The following LIN28B variants were observed in gnomAD, a reference collection of about 807,000 sequenced individuals.
LIN28B encodes lin-28 RNA binding posttranscriptional regulator B.
Under a neutral mutation model 21.9 loss-of-function variants are expected in LIN28B, and 5 were observed. The ratio of observed to expected loss-of-function variants is 0.23; its 90% CI spans 0.12 to 0.48. The LOEUF (loss-of-function observed/expected upper bound fraction) is 0.48. LIN28B is among the 20% of genes least tolerant of loss of function. The probability of loss-of-function intolerance (pLI) is 0.98; values close to 1 mark genes in which losing one functional copy is unlikely to be tolerated. For missense variants in LIN28B, 245 were observed against 310.5 expected, an observed-to-expected ratio of 0.79 and a Z score of 1.58; for synonymous variants, 109 against 111.3, an observed-to-expected ratio of 0.98 and a Z score of 0.13.
intron 2 of LIN28B, among the ~76,000 whole-genome samples, chr6:104,977,160 A>T (rs973709458): frequency 3.3e-5 from 5 of 151,996 alleles, no homozygotes; most frequent in Non-Finnish European, 5.9e-5. Context: ...TCCTGAGTGA[A>T]TCCACTTTTA....
chr6:105,021,117 A>C (rs1159032543), intron 2 of LIN28B, among the ~76,000 whole-genome samples: 1 of 151,934 alleles, frequency 6.6e-6, no homozygotes, highest in East Asian at 1.9e-4. Context: ...TAGTGAGAAC[A>C]TGTGATATTT....
chr6:104,941,614 C>T (rs921327230), intron 2 of LIN28B, among the ~76,000 whole-genome samples: 2 of 151,834 alleles, frequency 1.3e-5, no homozygotes, highest in African/African-American at 2.4e-5. Context: ...TCGCGCTCCG[C>T]AAGCCGAACT....
At chr6:105,022,528 A>G (rs893123754) in intron 2 of LIN28B, among the ~76,000 whole-genome samples, 6 of 152,162 alleles carry the variant, frequency 3.9e-5, no homozygotes, top group Middle Eastern at 3.2e-3. Context: ...CTGTCTGTCT[A>G]GATTTTTCTT....
intron 3 of LIN28B, among the ~76,000 whole-genome samples, chr6:105,030,292 G>A (rs1582906300): frequency 6.6e-6 from 1 of 152,274 alleles, no homozygotes; most frequent in African/African-American, 2.4e-5. Context: ...ATCTTTGTCA[G>A]CTGATGGCTG....
At chr6:105,022,734 T>C (rs1771164974) in intron 2 of LIN28B, among the ~76,000 whole-genome samples, 1 of 152,142 alleles carries the variant, frequency 6.6e-6, no homozygotes, top group South Asian at 2.1e-4. Context: ...GTAACCTACC[T>C]TGGAGAAGAG....
chr6:105,073,842 T>C (rs1279853916), intron 3 of LIN28B, among the ~76,000 whole-genome samples: 1 of 152,224 alleles, frequency 6.6e-6, no homozygotes, highest in Non-Finnish European at 1.5e-5. Context: ...TTAATGTCTA[T>C]ATTTTAACCT....
intron 2 of LIN28B, among the ~76,000 whole-genome samples, chr6:104,996,609 A>G (rs1045528426): frequency 1.3e-5 from 2 of 152,228 alleles, no homozygotes; most frequent in East Asian, 3.8e-4. Context: ...CACTAAGGAC[A>G]GTAATTAAGG....
rs1772571701 is a variant in LIN28B at position 105,083,258 on chromosome 6, T to C, written c.*4475T>C. On this transcript the variant is annotated 3_prime_UTR_variant, in exon 4 of 4. Transcript: ENST00000345080. ...TTCTCATTTCATGCCTAATGTCTTA[T>C]TCTGTCAATTATGGATATGTTGAGG... is the stretch of plus-strand genomic sequence containing the variant. 1 of 152,434 alleles carries C rather than the reference T, an allele frequency of 6.6e-6. No individual in the cohort carries two copies. Among genetic ancestry groups the C allele is most frequent in the South Asian group, 2.1e-4 (1 of 4,830 alleles). 9.4% of individuals were successfully genotyped at this position (152,434 alleles called of 1,614,324 possible). A position where few individuals can be genotyped will look rare whatever the true frequency, so the allele number is the denominator to read the frequency against.
At chr6:105,027,909 G>A (rs1031697826) in intron 3 of LIN28B, among the ~76,000 whole-genome samples, 2 of 152,072 alleles carry the variant, frequency 1.3e-5, no homozygotes, top group African/African-American at 4.8e-5. Context: ...GGTTTGAAAA[G>A]CTATCCAGTG....
chr6:105,042,802 G>C lies in LIN28B; in HGVS notation c.383+16320G>C, dbSNP rs1168903334. Among the ~76,000 whole-genome samples the C allele has an allele frequency of 2.6e-5, 4 of 152,244 alleles. No individual in the cohort carries two copies. In the East Asian group the frequency reaches 7.7e-4, roughly 29 times the overall value. On this transcript the variant is annotated intron_variant, in intron 3 of 3. Coordinates refer to ENST00000345080, the MANE Select transcript of LIN28B (RefSeq NM_001004317.4). ...CTCTCTCAGGTTACTTTGTCCCTAT[G>C]AAATACTGGAGTTTTTCTCCCCTCT...
At chr6:105,030,601 T>C (rs914097688) in intron 3 of LIN28B, among the ~76,000 whole-genome samples, 2 of 145,528 alleles carry the variant, frequency 1.4e-5, no homozygotes, top group African/African-American at 5.0e-5. Context: ...TCTTTTTTTT[T>C]TTTTTTTTTT....
chr6:105,022,482 A>G (rs1203877652), intron 2 of LIN28B, among the ~76,000 whole-genome samples: 1 of 152,190 alleles, frequency 6.6e-6, no homozygotes, highest in Non-Finnish European at 1.5e-5. Context: ...TGTATGATCT[A>G]ATGCTAACAG....
At chr6:105,060,610 A>G (rs1484839201) in intron 3 of LIN28B, among the ~76,000 whole-genome samples, 3 of 152,178 alleles carry the variant, frequency 2.0e-5, no homozygotes, top group African/African-American at 7.2e-5. Context: ...TCCCAAATAG[A>G]CAGGAAGCTG....
intron 2 of LIN28B, among the ~76,000 whole-genome samples, chr6:104,976,004 G>GA (rs1359137033): frequency 6.6e-6 from 1 of 152,090 alleles, no homozygotes; most frequent in Non-Finnish European, 1.5e-5. Flanking sequence ...TCCTGATGAA[G>GA]AAAATGATCA....
At chr6:104,941,466 G>C (rs1174969612) in intron 2 of LIN28B, 3 of 149,796 alleles carry the variant, frequency 2.0e-5, no homozygotes, top group Non-Finnish European at 3.0e-5. Context: ...GGGGCAGGGC[G>C]GGGGCGCAGG....
intron 2 of LIN28B, among the ~76,000 whole-genome samples, chr6:104,997,003 C>T (rs1019617646): frequency 3.3e-5 from 5 of 151,844 alleles, no homozygotes; most frequent in East Asian, 1.9e-4. Flanking sequence ...AAAGAAAGGC[C>T]GGGCACAGTG....
intron 2 of LIN28B, chr6:104,940,956 TCA>T (rs1177808778): frequency 6.6e-6 from 1 of 152,180 alleles, no homozygotes; most frequent in Non-Finnish European, 1.5e-5. Flanking sequence ...ACACACGTCC[TCA>T]CACCCTCTCC....
intron 2 of LIN28B, among the ~76,000 whole-genome samples, chr6:105,004,666 T>G (rs1362378536): frequency 6.6e-6 from 1 of 152,228 alleles, no homozygotes; most frequent in African/African-American, 2.4e-5. Context: ...TAGTGATTTT[T>G]TTTGTAAAAA....
intron 3 of LIN28B, among the ~76,000 whole-genome samples, chr6:105,060,331 A>C (rs1020695975): frequency 1.3e-5 from 2 of 152,086 alleles, no homozygotes; most frequent in East Asian, 1.9e-4. Context: ...TGGTGTGATC[A>C]TGGCTCACTG....
Sources: gnomAD v4.1 joint callset for allele counts (sites outside exome capture counted in the v4.1 genomes callset) on GRCh38, gnomAD v4.1.1 for gene constraint, MANE v1.5 for transcripts, NCBI Gene and HGNC (gene_info 2026-07-23, HGNC 2026-07-21) for gene names.